The following SEMA4A variants were observed in gnomAD, a reference collection of about 807,000 sequenced individuals.
SEMA4A encodes the protein semaphorin 4A, also known as semaphorin-4A.
SEMA4A carries 52 observed loss-of-function variants against 72.5 expected under a neutral mutation model. The ratio of observed to expected loss-of-function variants is 0.72; its 90% CI spans 0.57 to 0.90. The LOEUF is 0.90. Among genes scored for constraint, SEMA4A ranks in the 40% least tolerant of loss-of-function variants. The pLI, the probability that SEMA4A is intolerant of heterozygous loss-of-function variation, is 0.00. For synonymous variants in SEMA4A, 369 were observed against 393.1 expected (o/e 0.94, Z 0.73); for missense variants, 926 against 959.7 (o/e 0.96, Z 0.46).
intron 14 of SEMA4A, 150 bp downstream of exon 14, chr1:156,175,806 T>C: frequency 1.5e-6 from 1 of 679,746 alleles, no homozygotes; most frequent in Non-Finnish European, 2.7e-6. Context: ...GTCCTGGCTA[T>C]AGGGAAGAGG....
upstream of SEMA4A, among the ~76,000 whole-genome samples, chr1:156,148,069 A>G (rs1423929983): frequency 6.6e-6 from 1 of 152,192 alleles, no homozygotes; most frequent in East Asian, 1.9e-4. Context: ...GCCAGGTAGG[A>G]TCTATAGGCT....
In SEMA4A at chr1:156,174,917, A is replaced by G. The variant is rs763622112; in HGVS notation, c.1411A>G (p.Asn471Asp). 15 of 1,614,140 alleles carry G rather than the reference A, an allele frequency of 9.3e-6. No homozygotes were observed. Among genetic ancestry groups the G allele is most frequent in the Middle Eastern group, 1.6e-4 (1 of 6,062 alleles). Residue 471 changes from asparagine (N) to aspartate (D), a missense_variant, in exon 12 of 15, where the codon AAC becomes GAC. Asn to Asp is a conservative substitution (Grantham distance 23). Transcript: ENST00000368285. ...QLFPDPEPVR[N>D]LQLAPTQGAV... The stretch of plus-strand genomic sequence containing the variant: ...GTTCCCTGACCCTGAACCTGTTCGC[A>G]ACCTGCAGCTGGCCCCCACCCAGGT...
At chr1:156,150,705 C>CA (rs1652469546), upstream of SEMA4A, among the ~76,000 whole-genome samples, 1 of 152,076 alleles carries the variant, frequency 6.6e-6, no homozygotes, top group Non-Finnish European at 1.5e-5. Context: ...AGCATAGAGT[C>CA]GGGGCGGGAA....
At chr1:156,164,602 G>T (rs1653991042) in intron 10 of SEMA4A, among the ~76,000 whole-genome samples, 1 of 152,064 alleles carries the variant, frequency 6.6e-6, no homozygotes, top group East Asian at 1.9e-4. Context: ...TACAGTAACT[G>T]CACCCACCCC....
intron 10 of SEMA4A, among the ~76,000 whole-genome samples, chr1:156,164,313 G>A (rs997730965): frequency 3.3e-5 from 5 of 151,924 alleles, no homozygotes; most frequent in Non-Finnish European, 5.9e-5. Context: ...TTGCTACTTC[G>A]TGACGTTTCA....
chr1:156,162,816 G>A, intron 9 of SEMA4A, 128 bp from the exon 10 acceptor site: 1 of 1,126,794 alleles, frequency 8.9e-7, no homozygotes, highest in Non-Finnish European at 1.3e-6. Flanking sequence ...GGGAAGGAGT[G>A]GTAGCTGGAG....
intron 5 of SEMA4A, 91 bp from the exon 6 acceptor site, chr1:156,158,628 T>G: frequency 1.5e-6 from 2 of 1,333,606 alleles, no homozygotes; most frequent in Non-Finnish European, 2.2e-6. Context: ...CCAATTTCCC[T>G]CTATGTCCCT....
upstream of SEMA4A, among the ~76,000 whole-genome samples, chr1:156,151,692 C>T (rs1300956226): frequency 4.0e-5 from 6 of 151,692 alleles, no homozygotes; most frequent in Non-Finnish European, 5.9e-5. Context: ...AAAAATTAGC[C>T]GGGCTTGGTG....
At chr1:156,171,498 CA>C (rs1010740909) in intron 10 of SEMA4A, among the ~76,000 whole-genome samples, 2 of 152,230 alleles carry the variant, frequency 1.3e-5, no homozygotes, top group Non-Finnish European at 2.9e-5. Context: ...ATTGACTCAG[CA>C]AACATTTATT....
At position 156,176,646 on chromosome 1, in the gene SEMA4A, G is replaced by A; in HGVS notation, c.1935G>A (p.Gln645=). The change falls in exon 15 of 15, where the codon CAG becomes CAA. Residue 645 remains glutamine, a synonymous_variant. Coordinates refer to ENST00000368285, the MANE Select transcript of SEMA4A (RefSeq NM_022367.4). ...CCTACTGGGTGGACAGCCAGGACCA[G>A]ACCCTGGCCCTGGATCCTGAACTGG... is the stretch of plus-strand genomic sequence containing the variant. The part of the protein sequence containing the change: ...VISYWVDSQD[Q]TLALDPELAG... 1 of 1,614,234 alleles carries A rather than the reference G, an allele frequency of 6.2e-7. No homozygotes were observed. Among genetic ancestry groups the A allele is most frequent in the Non-Finnish European group, 8.5e-7 (1 of 1,180,042 alleles).
chr1:156,161,540 T>C (rs1653663922), intron 9 of SEMA4A, 22 bp downstream of exon 9: 1 of 1,613,006 alleles, frequency 6.2e-7, no homozygotes, highest in Non-Finnish European at 8.5e-7. Flanking sequence ...GGCTGGACCA[T>C]GGGGGCTGGA....
chr1:156,168,449 C>G (rs996521475), intron 10 of SEMA4A, among the ~76,000 whole-genome samples: 13 of 151,974 alleles, frequency 8.6e-5, no homozygotes, highest in African/African-American at 2.7e-4. Context: ...GTCTCGAACT[C>G]CTGACCTCAG....
chr1:156,150,918 G>T (rs1652485806), upstream of SEMA4A, among the ~76,000 whole-genome samples: 1 of 152,104 alleles, frequency 6.6e-6, no homozygotes, highest in Non-Finnish European at 1.5e-5. Flanking sequence ...AATGGGCTGG[G>T]GGAAACCCCA....
Position 156,176,554 on chromosome 1 carries a change from C to A in SEMA4A, c.1843C>A (p.Gln615Lys). The change falls in exon 15 of 15, where the codon CAG becomes AAG. Residue 615 changes from glutamine (Q) to lysine (K), a missense_variant. Coordinates refer to ENST00000368285, the MANE Select transcript of SEMA4A (RefSeq NM_022367.4). Reference sequence around the variant, plus strand: ...CAATGGCTCCCTCTTGCTGATAGTGCAGGATGGAGTTGGGGGTCTCTACCA... The same window carrying A: ...CAATGGCTCCCTCTTGCTGATAGTGAAGGATGGAGTTGGGGGTCTCTACCA... ...VYNGSLLLIVQDGVGGLYQCW... is the reference protein window; with the variant it reads ...VYNGSLLLIVKDGVGGLYQCW... 6 of 1,614,168 alleles carry A rather than the reference C, an allele frequency of 3.7e-6. No homozygotes were observed. Among genetic ancestry groups the A allele is most frequent in the Non-Finnish European group, 4.2e-6 (5 of 1,180,034 alleles).
At chr1:156,165,447 T>G (rs569009414) in intron 10 of SEMA4A, among the ~76,000 whole-genome samples, 1 of 152,330 alleles carries the variant, frequency 6.6e-6, no homozygotes, top group African/African-American at 2.4e-5. Flanking sequence ...TAAAACATTT[T>G]AAGATCTTGA....
At chr1:156,158,336 C>T in intron 4 of SEMA4A, 52 bp from the exon 5 acceptor site, 1 of 1,465,412 alleles carries the variant, frequency 6.8e-7, no homozygotes, top group South Asian at 1.1e-5. Flanking sequence ...CTCTGGGGGT[C>T]CAGCAATTTG....
At chr1:156,172,092 GTTTGTTTA>G (rs61109714) in intron 10 of SEMA4A, among the ~76,000 whole-genome samples, 14,811 of 143,314 alleles carry the variant, frequency 0.1, 1,575 homozygotes, top group African/African-American at 0.28. Flanking sequence ...CTGTTTGTTT[GTTTGTTTA>G]TTTATTTATT....
At chr1:156,149,431 G>A (rs1415220024), upstream of SEMA4A, among the ~76,000 whole-genome samples, 1 of 152,194 alleles carries the variant, frequency 6.6e-6, no homozygotes, top group Non-Finnish European at 1.5e-5. Context: ...CTTCTTCTCA[G>A]GCAGCTTAGG....
chr1:156,163,191 T>C, intron 10 of SEMA4A, 97 bp downstream of exon 10: 2 of 1,395,454 alleles, frequency 1.4e-6, no homozygotes, highest in Non-Finnish European at 2.0e-6. Flanking sequence ...TAAATGTTAG[T>C]GCTCTCCACC....
Sources: allele counts gnomAD v4.1 joint callset (sites outside exome capture counted in the v4.1 genomes callset), GRCh38; gene constraint gnomAD v4.1.1; transcripts MANE v1.5; gene names NCBI Gene and HGNC (gene_info 2026-07-23, HGNC 2026-07-21).